GRXCR2: variants seen among roughly 807,000 people sequenced by gnomAD.
GRXCR2 encodes the protein glutaredoxin and cysteine rich domain containing 2.
GRXCR2 carries 23 observed loss-of-function variants against 24.8 expected under a neutral mutation model. The ratio of observed to expected loss-of-function variants is 0.93; its 90% CI spans 0.67 to 1.32. The LOEUF is 1.32. Among genes scored for constraint, GRXCR2 ranks in the 40% most tolerant of loss-of-function variants. GRXCR2 has a pLI of 0.00. For missense variants in GRXCR2, 315 were observed against 303.4 expected (o/e 1.04, Z -0.28); for synonymous variants, 130 against 116.1 (o/e 1.12, Z -0.77).
intron 2 of GRXCR2, among the ~76,000 whole-genome samples, chr5:145,897,028 G>T (rs563888436): frequency 6.7e-6 from 1 of 149,990 alleles, no homozygotes; most frequent in South Asian, 2.1e-4. Flanking sequence ...GCAAACTATC[G>T]CAAGGACAAA....
chr5:145,886,475 G>A (rs1756781658), intron 2 of GRXCR2, among the ~76,000 whole-genome samples: 1 of 152,114 alleles, frequency 6.6e-6, no homozygotes, highest in Non-Finnish European at 1.5e-5. Context: ...GCCAAAATCT[G>A]GGACTTCATT....
downstream of GRXCR2, among the ~76,000 whole-genome samples, chr5:145,857,894 A>G (rs1756264685): frequency 6.6e-6 from 1 of 152,090 alleles, no homozygotes; most frequent in South Asian, 2.1e-4. Flanking sequence ...CTCCTCTAAA[A>G]CTAAGTTCCA....
chr5:145,887,554 G>A (rs1225573019), intron 2 of GRXCR2, among the ~76,000 whole-genome samples: 1 of 152,266 alleles, frequency 6.6e-6, no homozygotes, highest in East Asian at 1.9e-4. Context: ...CCAATATGAA[G>A]AGCAATCCTA....
chr5:145,926,291 T>C (rs991547543), intron 2 of GRXCR2, among the ~76,000 whole-genome samples: 4 of 152,176 alleles, frequency 2.6e-5, no homozygotes, highest in African/African-American at 4.8e-5. Context: ...ATTAGGGTTA[T>C]AGGATTTAAC....
chr5:145,913,295 T>C (rs1458373382), intron 2 of GRXCR2, among the ~76,000 whole-genome samples: 2 of 152,146 alleles, frequency 1.3e-5, no homozygotes, highest in Non-Finnish European at 2.9e-5. Context: ...GTCTTCCAAA[T>C]AGTTTTTCTA....
intron 2 of GRXCR2, among the ~76,000 whole-genome samples, chr5:145,889,228 G>GAAAGAAAGAAA (rs1561683184): frequency 2.0e-5 from 3 of 150,446 alleles, no homozygotes; most frequent in Non-Finnish European, 4.4e-5. Context: ...AAGAAAGAAA[G>GAAAGAAAGAAA]AAAGAAAGAA....
At chr5:145,860,232 A>G (rs1275166985) in intron 2 of GRXCR2, among the ~76,000 whole-genome samples, 1 of 152,122 alleles carries the variant, frequency 6.6e-6, no homozygotes, top group Non-Finnish European at 1.5e-5. Context: ...CAAGGACTTT[A>G]TTTTCCTTAT....
chr5:145,919,474 C>G (rs553991058), intron 2 of GRXCR2, among the ~76,000 whole-genome samples: 1 of 152,142 alleles, frequency 6.6e-6, no homozygotes, highest in Admixed American at 6.5e-5. Context: ...TGACCCCAGC[C>G]CCTCCATTCT....
intron 2 of GRXCR2, among the ~76,000 whole-genome samples, chr5:145,860,423 C>T (rs1457839486): frequency 1.3e-5 from 2 of 152,110 alleles, no homozygotes; most frequent in African/African-American, 4.8e-5. Flanking sequence ...CCAATGGTCA[C>T]ACACACAGCT....
intron 2 of GRXCR2, among the ~76,000 whole-genome samples, chr5:145,879,743 A>T (rs757354733): frequency 1.3e-5 from 2 of 152,228 alleles, no homozygotes; most frequent in Non-Finnish European, 2.9e-5. Context: ...AATCAACAGA[A>T]TATACATTCT....
chr5:145,893,586 T>A (rs1356692826), intron 2 of GRXCR2, among the ~76,000 whole-genome samples: 1 of 152,122 alleles, frequency 6.6e-6, no homozygotes. Context: ...GAGCTAACTA[T>A]CCTAAATATA....
chr5:145,869,194 T>C (rs777023535), intron 1 of GRXCR2, among the ~76,000 whole-genome samples: 1 of 152,236 alleles, frequency 6.6e-6, no homozygotes, highest in Non-Finnish European at 1.5e-5. Context: ...ATTAAAATGT[T>C]GTTTGACAAC....
intron 2 of GRXCR2, among the ~76,000 whole-genome samples, chr5:145,900,656 T>C (rs887785018): frequency 2.0e-5 from 3 of 152,200 alleles, no homozygotes; most frequent in African/African-American, 7.2e-5. Context: ...TTGGCAAGGC[T>C]GCAGAGAAAA....
intron 2 of GRXCR2, among the ~76,000 whole-genome samples, chr5:145,892,157 G>T (rs1430014121): frequency 6.6e-6 from 1 of 151,970 alleles, no homozygotes; most frequent in South Asian, 2.1e-4. Context: ...AAAGACCAAA[G>T]GTAGATAAAA....
intron 2 of GRXCR2, among the ~76,000 whole-genome samples, chr5:145,892,871 G>A (rs542121351): frequency 7.2e-5 from 11 of 152,298 alleles, no homozygotes; most frequent in African/African-American, 2.6e-4. Context: ...AATGTTAAGG[G>A]CAGCCAGAGA....
At chr5:145,866,351 CAA>C (rs1756434319) in intron 2 of GRXCR2, 148 bp downstream of exon 2, 1 of 602,626 alleles carries the variant, frequency 1.7e-6, no homozygotes, top group Non-Finnish European at 3.0e-6. Context: ...TAAAATATAA[CAA>C]ATGTTAAAAT....
At chr5:145,857,744 T>A (rs1476974260), downstream of GRXCR2, among the ~76,000 whole-genome samples, 1 of 152,214 alleles carries the variant, frequency 6.6e-6, no homozygotes, top group Non-Finnish European at 1.5e-5. Flanking sequence ...TTGCTCACAC[T>A]TCTTCCTCTG....
At chr5:145,904,821 G>C (rs1295671908) in intron 2 of GRXCR2, among the ~76,000 whole-genome samples, 2 of 152,210 alleles carry the variant, frequency 1.3e-5, no homozygotes, top group Non-Finnish European at 2.9e-5. Context: ...GCCTCCAGAT[G>C]GGATGAGCCT....
chr5:145,892,853 A>T (rs1435192544), intron 2 of GRXCR2, among the ~76,000 whole-genome samples: 1 of 152,232 alleles, frequency 6.6e-6, no homozygotes, highest in Admixed American at 6.5e-5. Flanking sequence ...AGTTAAAATG[A>T]AGGAAAAAAT....
Sources: gnomAD v4.1 joint callset for allele counts (sites outside exome capture counted in the v4.1 genomes callset) on GRCh38, gnomAD v4.1.1 for gene constraint, MANE v1.5 for transcripts, NCBI Gene and HGNC (gene_info 2026-07-23, HGNC 2026-07-21) for gene names.